NAA50: variants seen among roughly 807,000 people sequenced by gnomAD.
The protein encoded by NAA50 is N-alpha-acetyltransferase 50.
NAA50 carries 7 observed loss-of-function variants against 20.7 expected under a neutral mutation model. The ratio of observed to expected loss-of-function variants is 0.34; its 90% confidence interval spans 0.19 to 0.63. The LOEUF (loss-of-function observed/expected upper bound fraction) is 0.63, where lower values mean the gene tolerates loss of function less well. Ranked by LOEUF, NAA50 falls within the 30% of genes least tolerant of loss-of-function variation. NAA50 has a pLI of 0.75. For missense variants in NAA50, 111 were observed against 199.1 expected (o/e 0.56, Z 2.66); for synonymous variants, 54 against 70.6 (o/e 0.77, Z 1.18).
Position 113,720,782 on chromosome 3 carries a change from T to C in NAA50, c.*978A>G, listed in dbSNP as rs1708125530. 6.6e-6 allele frequency: 1 copy of C among 152,338 alleles called. No homozygotes were observed. Among genetic ancestry groups the C allele is most frequent in the Admixed American group, 6.5e-5 (1 of 15,282 alleles). 9.4% of individuals were successfully genotyped at this position (152,338 alleles called of 1,614,324 possible). A position where few individuals can be genotyped will look rare whatever the true frequency, so the allele number is the denominator to read the frequency against. On this transcript the variant is annotated 3_prime_UTR_variant, in exon 5 of 5. Coordinates refer to ENST00000240922, the MANE Select transcript of NAA50 (RefSeq NM_025146.4). ...TAGATGACAGTAATTGAATTTTTTG[T>C]GTCACAGCCCATCTAAGCTTCCTTT...
rs1179025652 is a variant in NAA50, at chr3:113,717,420, AAC to A, written c.*4338_*4339del. On this transcript the variant is annotated 3_prime_UTR_variant, in exon 5 of 5. Transcript: ENST00000240922. ...AAAGGTTGAGAATTTCTGCCCCAGT[AAC>A]AGATCGTTCTCTGACTTAAATAATT... is the stretch of plus-strand genomic sequence containing the variant. The A allele has an allele frequency of 6.6e-6, 1 of 152,198 alleles. No individual in the cohort carries two copies. The highest frequency in any genetic ancestry group is 1.5e-5 in the Non-Finnish European group (1 of 68,040). 9.4% of individuals were successfully genotyped at this position (152,198 alleles called of 1,614,324 possible). A position where few individuals can be genotyped will look rare whatever the true frequency, so the allele number is the denominator to read the frequency against.
At chr3:113,723,012 T>G (rs1385829059) in intron 3 of NAA50, 40 bp from the exon 4 acceptor site, 1 of 1,485,852 alleles carries the variant, frequency 6.7e-7, no homozygotes, top group Non-Finnish European at 9.0e-7. Flanking sequence ...ACTTCATAAA[T>G]CAACCTTTAA....
At chr3:113,738,629 G>C (rs1468731350) in intron 1 of NAA50, among the ~76,000 whole-genome samples, 1 of 152,190 alleles carries the variant, frequency 6.6e-6, no homozygotes, top group East Asian at 1.9e-4. Context: ...CCCAGAGGTT[G>C]AAACACCTTT....
At position 113,716,887 on chromosome 3, in the gene NAA50, ATTC is replaced by A. The variant is rs1446038691; in HGVS notation, c.*4870_*4872del. The A allele has an allele frequency of 6.6e-6, 1 of 152,222 alleles. No homozygotes were observed. The highest frequency in any genetic ancestry group is 1.5e-5 in the Non-Finnish European group (1 of 68,026). 9.4% of individuals were successfully genotyped at this position (152,222 alleles called of 1,614,324 possible). Reference sequence around the variant, plus strand: ...TCATCACAAATTTAAAAAGGTAATAATTCTTCTAGATCTCAACTCTAGGCTGTT... The same window carrying A: ...TCATCACAAATTTAAAAAGGTAATAATTCTAGATCTCAACTCTAGGCTGTT... On this transcript the variant is annotated 3_prime_UTR_variant, in exon 5 of 5. Coordinates refer to ENST00000240922, the MANE Select transcript of NAA50 (RefSeq NM_025146.4).
intron 1 of NAA50, among the ~76,000 whole-genome samples, chr3:113,741,902 C>A (rs1253000791): frequency 6.6e-6 from 1 of 152,146 alleles, no homozygotes; most frequent in Non-Finnish European, 1.5e-5. Flanking sequence ...CAGATAGATG[C>A]AAACACTTGA....
At position 113,733,853 on chromosome 3, in the gene NAA50, C is replaced by CAAAAAA. The variant is rs58431115; in HGVS notation, c.9-9764_9-9759dup. 4.8e-3 allele frequency among the ~76,000 whole-genome samples: 330 copies of CAAAAAA among 68,486 alleles called. 10 individuals carry two copies. Among genetic ancestry groups the CAAAAAA allele is most frequent in the African/African-American group, 0.019 (314 of 16,368 alleles). 44.9% of individuals were successfully genotyped at this position (68,486 alleles called of 152,430 possible). On this transcript the variant is annotated intron_variant, in intron 1 of 4. Transcript: ENST00000240922. Reference sequence around the variant, plus strand: ...GGGTGACAGAGCAAGACTCTGTCTCCAAAAAAAAAAAAAAAAAAAAAAAGA... The same window carrying CAAAAAA: ...GGGTGACAGAGCAAGACTCTGTCTCCAAAAAAAAAAAAAAAAAAAAAAAAAAAAAGA...
At chr3:113,743,382 C>T (rs962683320) in intron 1 of NAA50, among the ~76,000 whole-genome samples, 1 of 152,172 alleles carries the variant, frequency 6.6e-6, no homozygotes, top group African/African-American at 2.4e-5. Context: ...CATACAAAAG[C>T]CACATAACCA....
At chr3:113,741,237 T>C in intron 1 of NAA50, 1 of 430,980 alleles carries the variant, frequency 2.3e-6, no homozygotes, top group Non-Finnish European at 4.6e-6. Flanking sequence ...AGGTCCTCAG[T>C]ACACAGACTG....
At chr3:113,735,682 G>A (rs554766792) in intron 1 of NAA50, among the ~76,000 whole-genome samples, 1 of 152,264 alleles carries the variant, frequency 6.6e-6, no homozygotes, top group Admixed American at 6.5e-5. Context: ...TGACCCACAG[G>A]TTTTTTGTTT....
chr3:113,721,997 C>T (rs989229923), intron 4 of NAA50, 60 bp from the exon 5 acceptor site: 12 of 1,466,970 alleles, frequency 8.2e-6, no homozygotes, highest in African/African-American at 1.4e-5. Context: ...AAGTTTTAAG[C>T]ATTCTCCACA....
chr3:113,745,451 G>T (rs554090536), intron 1 of NAA50, among the ~76,000 whole-genome samples: 2 of 152,222 alleles, frequency 1.3e-5, no homozygotes, highest in South Asian at 4.1e-4. Context: ...TCATCCCCGT[G>T]CTCTTTATTC....
At chr3:113,724,134 G>GC (rs1708171895) in intron 1 of NAA50, 39 bp from the exon 2 acceptor site, 3 of 1,474,966 alleles carry the variant, frequency 2.0e-6, no homozygotes, top group Non-Finnish European at 2.7e-6. Context: ...AACATAATTA[G>GC]CCCCATTTGT....
At chr3:113,739,272 AAT>A (rs1708381979) in intron 1 of NAA50, among the ~76,000 whole-genome samples, 1 of 152,180 alleles carries the variant, frequency 6.6e-6, no homozygotes, top group African/African-American at 2.4e-5. Flanking sequence ...TGTCAGCCAC[AAT>A]ATGTTTTCCT....
rs1708496499 is a variant in NAA50, at chr3:113,746,110, T to C, written c.-161A>G. On this transcript the variant is annotated 5_prime_UTR_variant, in exon 1 of 5. Coordinates refer to ENST00000240922, the MANE Select transcript of NAA50 (RefSeq NM_025146.4). ...AGCAACGAAGGCCGCGAGAGTCGAG[T>C]GAGGGCTTGAGTCTGGTGGGGGCGG... is the stretch of plus-strand genomic sequence containing the variant. 4.6e-6 allele frequency: 4 copies of C among 860,464 alleles called. No individual in the cohort carries two copies. Among genetic ancestry groups the C allele is most frequent in the Non-Finnish European group, 5.3e-6 (3 of 568,334 alleles). 53.3% of individuals were successfully genotyped at this position (860,464 alleles called of 1,614,324 possible).
In NAA50 at chr3:113,745,761, C is replaced by T. The variant is rs1007439320; in HGVS notation, c.8+181G>A. On this transcript the variant is annotated intron_variant, in intron 1 of 4. Coordinates refer to ENST00000240922, the MANE Select transcript of NAA50 (RefSeq NM_025146.4). ...TCTTGCCTCCGCTGGCCCTTCAGCCCGCCAACAGCCCGAGCCTCGCCTCCG... is the reference window on the plus strand; with the variant it reads ...TCTTGCCTCCGCTGGCCCTTCAGCCTGCCAACAGCCCGAGCCTCGCCTCCG... 12 of 720,972 alleles carry T rather than the reference C, an allele frequency of 1.7e-5. No homozygotes were observed. The African/African-American group carries it at 1.7e-4, about 10-fold the overall frequency. The allele number at this position is 720,972 out of a possible 1,614,324, so 44.7% of individuals were successfully genotyped here. A position where few individuals can be genotyped will look rare whatever the true frequency, so the allele number is the denominator to read the frequency against.
At chr3:113,737,922 G>A (rs1483917428) in intron 1 of NAA50, among the ~76,000 whole-genome samples, 1 of 152,110 alleles carries the variant, frequency 6.6e-6, no homozygotes, top group Non-Finnish European at 1.5e-5. Flanking sequence ...AAAGTAAAAG[G>A]GGCTGGGCAT....
intron 1 of NAA50, among the ~76,000 whole-genome samples, chr3:113,745,008 A>G (rs967410054): frequency 2.0e-5 from 3 of 152,216 alleles, no homozygotes; most frequent in Admixed American, 1.3e-4. Context: ...CATCGCAGAG[A>G]GCTTTTTAAC....
At chr3:113,730,196 G>A (rs746441129) in intron 1 of NAA50, among the ~76,000 whole-genome samples, 31 of 152,142 alleles carry the variant, frequency 2.0e-4, no homozygotes, top group Non-Finnish European at 3.5e-4. Context: ...AGCTACTTGA[G>A]AGGCTGAGGC....
chr3:113,733,243 C>T (rs1243375885), intron 1 of NAA50, among the ~76,000 whole-genome samples: 1 of 151,866 alleles, frequency 6.6e-6, no homozygotes, highest in African/African-American at 2.4e-5. Context: ...ATTTTCTTAC[C>T]ACGGTATCAT....
Sources: gnomAD v4.1 joint callset for allele counts (sites outside exome capture counted in the v4.1 genomes callset) on GRCh38, gnomAD v4.1.1 for gene constraint, MANE v1.5 for transcripts, NCBI Gene and HGNC (gene_info 2026-07-23, HGNC 2026-07-21) for gene names.